Variants in HECW1 observed in about 807,000 individuals in gnomAD.
The protein encoded by HECW1 is HECT, C2 and WW domain containing E3 ubiquitin protein ligase 1.
HECW1 carries 61 observed loss-of-function variants against 182.3 expected under a neutral mutation model. The ratio of observed to expected loss-of-function variants is 0.33; its 90% confidence interval spans 0.27 to 0.41. The LOEUF is 0.41. Among genes scored for constraint, HECW1 ranks in the 10% least tolerant of loss-of-function variants. HECW1 has a pLI of 1.00. For synonymous variants in HECW1, 859 were observed against 832.6 expected, an observed-to-expected ratio of 1.03 and a Z score of -0.55; for missense variants, 1,739 against 2,108.9, an observed-to-expected ratio of 0.82 and a Z score of 3.44.
In HECW1 at chr7:43,488,807, G is replaced by A. The variant is rs10240214; in HGVS notation, c.3235-3268G>A. 5.3e-5 allele frequency among the ~76,000 whole-genome samples: 8 copies of A among 151,996 alleles called. No homozygotes were observed. The Middle Eastern group carries it at 0.01, about 195-fold the overall frequency. ...TTGAGCCATCCAGTACCAACCAACC[G>A]TTTGCAGACATTTCTGTGGCTCAGG... On this transcript the variant is annotated intron_variant, in intron 17 of 29. Transcript: ENST00000395891.
intron 2 of HECW1, among the ~76,000 whole-genome samples, chr7:43,120,664 G>T (rs2152603095): frequency 6.6e-6 from 1 of 152,012 alleles, no homozygotes; most frequent in Non-Finnish European, 1.5e-5. Context: ...TATTTTTTGA[G>T]ACAGGGTTTC....
Position 43,509,042 on chromosome 7 carries a change from C to T in HECW1, c.3940C>T (p.Leu1314Phe). ...SQELFNPYYG[L>F]FEYSANDTYT... is the part of the protein sequence containing the mutation. ...GGAGCTCTTCAACCCTTACTATGGA[C>T]TCTTTGAGTACTCGGCAAATGATAC... The change falls in exon 24 of 30, where the codon CTC becomes TTC. Residue 1314 changes from leucine (L) to phenylalanine (F), a missense_variant. Transcript: ENST00000395891. 1 of 1,614,132 alleles carries T rather than the reference C, an allele frequency of 6.2e-7. No homozygotes were observed. The highest frequency in any genetic ancestry group is 8.5e-7 in the Non-Finnish European group (1 of 1,179,964).
At chr7:43,184,031 T>G (rs554479984) in intron 2 of HECW1, among the ~76,000 whole-genome samples, 1 of 152,018 alleles carries the variant, frequency 6.6e-6, no homozygotes, top group Non-Finnish European at 1.5e-5. Context: ...TTTTTTTTTT[T>G]GAGACAAAGT....
intron 2 of HECW1, among the ~76,000 whole-genome samples, chr7:43,213,933 A>G (rs567556720): frequency 6.6e-6 from 1 of 152,120 alleles, no homozygotes; most frequent in African/African-American, 2.4e-5. Context: ...ATGTGATCAA[A>G]TCAGTATGTA....
intron 24 of HECW1, among the ~76,000 whole-genome samples, chr7:43,525,072 T>G (rs2080703186): frequency 6.6e-6 from 1 of 152,228 alleles, no homozygotes; most frequent in Admixed American, 6.5e-5. Flanking sequence ...TTTTTATGAA[T>G]GTATTATGGC....
intron 24 of HECW1, among the ~76,000 whole-genome samples, chr7:43,533,481 T>G (rs2081067477): frequency 6.6e-6 from 1 of 152,140 alleles, no homozygotes; most frequent in African/African-American, 2.4e-5. Context: ...TACAATGGTG[T>G]CCTGGAGGCA....
In HECW1 at chr7:43,565,820, C is replaced by T; in HGVS notation, c.*3894C>T. The T allele has an allele frequency of 5.4e-6, 1 of 186,500 alleles. No individual in the cohort carries two copies. The highest frequency in any genetic ancestry group is 8.6e-5 in the East Asian group (1 of 11,636). 11.6% of individuals were successfully genotyped at this position (186,500 alleles called of 1,614,324 possible). ...TACTTCCTGCAGCTTCCAATTTATC[C>T]AAGGAAATGTCTACAACAATTTTGT... On this transcript the variant is annotated 3_prime_UTR_variant, in exon 30 of 30. Transcript: ENST00000395891.
chr7:43,327,891 C>T (rs1810995178), intron 5 of HECW1, among the ~76,000 whole-genome samples: 1 of 151,918 alleles, frequency 6.6e-6, no homozygotes, highest in African/African-American at 2.4e-5. Flanking sequence ...AGATTAAAGG[C>T]ACGGCAGGGT....
At chr7:43,316,639 T>C (rs887780523) in intron 4 of HECW1, among the ~76,000 whole-genome samples, 4 of 151,862 alleles carry the variant, frequency 2.6e-5, no homozygotes, top group African/African-American at 9.7e-5. Flanking sequence ...ACAAAGAGGC[T>C]TCCATCATGA....
intron 7 of HECW1, among the ~76,000 whole-genome samples, chr7:43,397,928 T>A (rs1439964093): frequency 6.6e-6 from 1 of 152,224 alleles, no homozygotes; most frequent in Non-Finnish European, 1.5e-5. Flanking sequence ...GTATTATCTT[T>A]GGAACTCTTC....
chr7:43,168,651 C>T (rs1430446147), intron 2 of HECW1, among the ~76,000 whole-genome samples: 2 of 152,008 alleles, frequency 1.3e-5, no homozygotes, highest in Non-Finnish European at 2.9e-5. Flanking sequence ...CACAGCAAAA[C>T]CCTGTCTCCA....
chr7:43,316,451 AC>A (rs1378759996), intron 4 of HECW1, among the ~76,000 whole-genome samples: 3 of 152,166 alleles, frequency 2.0e-5, no homozygotes, highest in African/African-American at 7.2e-5. Context: ...TAGATGTTGG[AC>A]ACTGGTCTAA....
chr7:43,541,923 G>A lies in HECW1; in HGVS notation c.4173G>A (p.Leu1391=), dbSNP rs532223116. 42 of 1,560,172 alleles carry A rather than the reference G, an allele frequency of 2.7e-5. No individual in the cohort carries two copies. In the Middle Eastern group the frequency reaches 1.2e-3, roughly 44 times the overall value. Residue 1391 remains leucine (L), a synonymous_variant, in exon 26 of 30, where the codon TTG becomes TTA. Transcript: ENST00000395891. ...EYLDEEFHQS[L]QWMKDNNITD... ...TGGATGAGGAATTCCACCAGAGTTT[G>A]CAGTGGATGAAGGACAACAACATCA...
At chr7:43,128,169 C>T (rs141006376) in intron 2 of HECW1, among the ~76,000 whole-genome samples, 9 of 152,280 alleles carry the variant, frequency 5.9e-5, no homozygotes, top group Non-Finnish European at 8.8e-5. Context: ...CGTGAGCCAC[C>T]GCACCTGGCC....
chr7:43,477,047 G>A (rs2078243242), intron 16 of HECW1, among the ~76,000 whole-genome samples: 1 of 152,062 alleles, frequency 6.6e-6, no homozygotes, highest in East Asian at 1.9e-4. Context: ...GACATCGCAG[G>A]CAACACACTA....
chr7:43,301,904 A>G (rs1806856266), intron 3 of HECW1, among the ~76,000 whole-genome samples: 1 of 151,982 alleles, frequency 6.6e-6, no homozygotes, highest in Non-Finnish European at 1.5e-5. Flanking sequence ...GCAGGAGAAT[A>G]AAACCAAAGA....
At chr7:43,561,768 T>G (rs757025759) in intron 29 of HECW1, 47 bp from the exon 30 acceptor site, 18 of 1,277,796 alleles carry the variant, frequency 1.4e-5, no homozygotes, top group Non-Finnish European at 2.1e-5. Context: ...CAGAACCAGT[T>G]GTATCATTGA....
chr7:43,407,212 C>G (rs1363572639), intron 7 of HECW1, among the ~76,000 whole-genome samples: 2 of 152,192 alleles, frequency 1.3e-5, no homozygotes, highest in Non-Finnish European at 2.9e-5. Flanking sequence ...ACGCTCTGTG[C>G]TCTTTTAATC....
chr7:43,216,617 G>T (rs1796466376), intron 2 of HECW1, among the ~76,000 whole-genome samples: 1 of 151,758 alleles, frequency 6.6e-6, no homozygotes, highest in East Asian at 1.9e-4. Flanking sequence ...GTCTCCACTA[G>T]CCCACATCCT....
Sources: gnomAD v4.1 joint callset for allele counts (sites outside exome capture counted in the v4.1 genomes callset) on GRCh38, gnomAD v4.1.1 for gene constraint, MANE v1.5 for transcripts, NCBI Gene and HGNC (gene_info 2026-07-23, HGNC 2026-07-21) for gene names.